The following ELMO1 variants were observed in gnomAD, a reference collection of about 807,000 sequenced individuals.
ELMO1 encodes the protein engulfment and cell motility protein 1.
In ELMO1, 26 loss-of-function variants were observed where a neutral mutation model predicts 98.9. The observed-to-expected ratio is 0.26, with a 90% CI of 0.19 to 0.36. The LOEUF is 0.36. Ranked by LOEUF, ELMO1 falls within the 10% of genes least tolerant of loss-of-function variation. The pLI is 1.00. For missense variants in ELMO1, 627 were observed against 935.2 expected, an observed-to-expected ratio of 0.67 and a Z score of 4.30; for synonymous variants, 346 against 346.0, an observed-to-expected ratio of 1.00 and a Z score of 0.00.
chr7:37,410,308 T>C (rs1458272478), intron 1 of ELMO1, among the ~76,000 whole-genome samples: 1 of 152,194 alleles, frequency 6.6e-6, no homozygotes, highest in Non-Finnish European at 1.5e-5. Context: ...TAAAGTATAA[T>C]CTCCTTGAAA....
intron 1 of ELMO1, among the ~76,000 whole-genome samples, chr7:37,431,194 C>G (rs1647794): frequency 0.86 from 130,466 of 152,130 alleles, 56,014 homozygotes; most frequent in East Asian, 0.91. Context: ...AAGATTAGCC[C>G]GGCATGGTGG....
At chr7:37,168,674 T>C (rs1018603330) in intron 13 of ELMO1, among the ~76,000 whole-genome samples, 2 of 152,208 alleles carry the variant, frequency 1.3e-5, no homozygotes, top group South Asian at 2.1e-4. Flanking sequence ...CCGTGAATGC[T>C]GCTGTCTAAT....
intron 16 of ELMO1, among the ~76,000 whole-genome samples, chr7:37,006,489 G>A (rs532514719): frequency 6.6e-6 from 1 of 152,218 alleles, no homozygotes; most frequent in East Asian, 1.9e-4. Context: ...AACTGGGACT[G>A]CCACCAGATC....
intron 20 of ELMO1, chr7:36,862,112 AAAACAAAC>A (rs57602967): frequency 5.0e-5 from 11 of 220,388 alleles, no homozygotes; most frequent in African/African-American, 1.6e-4. Flanking sequence ...AGAGGCCACA[AAAACAAAC>A]AAACAAACAA....
intron 13 of ELMO1, among the ~76,000 whole-genome samples, chr7:37,171,481 C>CTTTTTTTTTTTTTTTTTTTTTTT (rs71553100): frequency 2.3e-5 from 1 of 44,266 alleles, no homozygotes; most frequent in African/African-American, 6.2e-5. Context: ...CCAGGCCTTT[C>CTTTTTTTTTTTTTTTTTTTTTTT]TATTTTTTTT....
chr7:36,865,942 C>A (rs1803004027), intron 20 of ELMO1, among the ~76,000 whole-genome samples: 1 of 152,192 alleles, frequency 6.6e-6, no homozygotes, highest in East Asian at 1.9e-4. Flanking sequence ...GGTTTTCAAA[C>A]TGATGCTAGA....
intron 16 of ELMO1, among the ~76,000 whole-genome samples, chr7:36,904,720 C>T (rs1783829868): frequency 6.6e-6 from 1 of 152,216 alleles, no homozygotes; most frequent in South Asian, 2.1e-4. Flanking sequence ...ATGCAAGCAA[C>T]ATCCTTCTCA....
intron 16 of ELMO1, among the ~76,000 whole-genome samples, chr7:36,958,046 A>C (rs2129115486): frequency 6.6e-6 from 1 of 152,324 alleles, no homozygotes; most frequent in South Asian, 2.1e-4. Context: ...GCAACCTGCA[A>C]CACATTCCAA....
At chr7:36,940,761 G>T (rs1302894722) in intron 16 of ELMO1, among the ~76,000 whole-genome samples, 1 of 152,212 alleles carries the variant, frequency 6.6e-6, no homozygotes, top group African/African-American at 2.4e-5. Flanking sequence ...AAACATTTGA[G>T]TGTCTAGCAT....
intron 15 of ELMO1, among the ~76,000 whole-genome samples, chr7:37,042,396 C>A (rs1328605222): frequency 6.6e-6 from 1 of 152,096 alleles, no homozygotes; most frequent in African/African-American, 2.4e-5. Context: ...AACCCTACTG[C>A]TGCTGGTAGG....
Position 37,289,014 on chromosome 7 carries a change from G to A in ELMO1, c.193-17132C>T, listed in dbSNP as rs1275575634. ...CGATCTAAAATTAATTGCCTTGTTCGTTTTCTAAGTCTTTCCTGTCAGTTT... is the reference window on the plus strand; with the variant it reads ...CGATCTAAAATTAATTGCCTTGTTCATTTTCTAAGTCTTTCCTGTCAGTTT... On this transcript the variant is annotated intron_variant, in intron 4 of 21. Coordinates refer to ENST00000310758, the MANE Select transcript of ELMO1 (RefSeq NM_014800.11). Among the ~76,000 whole-genome samples the A allele has an allele frequency of 4.6e-5, 7 of 152,202 alleles. No homozygotes were observed. The South Asian group carries it at 8.3e-4, about 18-fold the overall frequency.
intron 15 of ELMO1, among the ~76,000 whole-genome samples, chr7:37,073,870 C>T (rs1450050279): frequency 6.6e-6 from 1 of 151,570 alleles, no homozygotes; most frequent in East Asian, 1.9e-4. Context: ...GAAAGAGCCA[C>T]TCTGCACCTG....
intron 6 of ELMO1, among the ~76,000 whole-genome samples, chr7:37,256,152 A>G (rs1174371566): frequency 6.6e-6 from 1 of 152,178 alleles, no homozygotes; most frequent in Non-Finnish European, 1.5e-5. Flanking sequence ...CTCCAGCTCC[A>G]GCTTACAGTA....
intron 1 of ELMO1, among the ~76,000 whole-genome samples, chr7:37,389,939 C>G (rs1026559101): frequency 9.2e-5 from 14 of 152,024 alleles, no homozygotes; most frequent in African/African-American, 2.7e-4. Flanking sequence ...TCCCATGTTG[C>G]CCAACTTCCA....
intron 14 of ELMO1, among the ~76,000 whole-genome samples, chr7:37,111,193 G>C (rs181608669): frequency 3.7e-3 from 562 of 152,326 alleles, no homozygotes; most frequent in Middle Eastern, 6.8e-3. Context: ...GTCAGTAAGA[G>C]AGTGTTTCTC....
At position 37,239,075 on chromosome 7, in the gene ELMO1, G is replaced by A. The variant is rs530282973; in HGVS notation, c.449+5281C>T. ...CCTCTCCTCTATTTTCCAAAAGCAT[G>A]TGTTTAGATTTGGTATTTCTTCTAT... On this transcript the variant is annotated intron_variant, in intron 7 of 21. Coordinates refer to ENST00000310758, the MANE Select transcript of ELMO1 (RefSeq NM_014800.11). Among the ~76,000 whole-genome samples the A allele has an allele frequency of 6.6e-5, 10 of 152,230 alleles. No individual in the cohort carries two copies. The South Asian group carries it at 1.9e-3, about 28-fold the overall frequency.
At chr7:37,072,847 C>CA (rs1275859131) in intron 15 of ELMO1, among the ~76,000 whole-genome samples, 2 of 152,150 alleles carry the variant, frequency 1.3e-5, no homozygotes, top group Non-Finnish European at 2.9e-5. Context: ...ATACATATGT[C>CA]AAAAAATGTT....
intron 13 of ELMO1, among the ~76,000 whole-genome samples, chr7:37,156,628 T>A (rs937211548): frequency 2.0e-5 from 3 of 152,302 alleles, no homozygotes; most frequent in Admixed American, 2.0e-4. Context: ...CAGGAAGTAG[T>A]TGAATCTCTG....
At chr7:37,378,741 C>T (rs1022366901) in intron 1 of ELMO1, among the ~76,000 whole-genome samples, 1 of 151,688 alleles carries the variant, frequency 6.6e-6, no homozygotes, top group Admixed American at 6.6e-5. Flanking sequence ...ATTTGAAAAT[C>T]ATTCCTGATC....
Sources: gnomAD v4.1 joint callset for allele counts (sites outside exome capture counted in the v4.1 genomes callset) on GRCh38, gnomAD v4.1.1 for gene constraint, MANE v1.5 for transcripts, NCBI Gene and HGNC (gene_info 2026-07-23, HGNC 2026-07-21) for gene names.